The following ADGRV1 variants were observed in gnomAD, a reference collection of about 807,000 sequenced individuals.
ADGRV1 encodes the protein G-protein coupled receptor 98.
ADGRV1 carries 359 observed loss-of-function variants against 596.2 expected under a neutral mutation model. That is an observed-to-expected ratio of 0.60 (90% CI 0.55 to 0.66). ADGRV1 has a LOEUF of 0.66. Among genes scored for constraint, ADGRV1 ranks in the 30% least tolerant of loss-of-function variants. The probability of loss-of-function intolerance (pLI) is 0.00; values close to 1 mark genes in which losing one functional copy is unlikely to be tolerated. For missense variants in ADGRV1, 7,274 were observed against 7,575.6 expected (o/e 0.96, Z 1.48); for synonymous variants, 2,681 against 2,679.2 (o/e 1.00, Z -0.02).
rs1308939155 is a variant in ADGRV1, at chr5:90,810,620, A to G, written c.15360A>G (p.Ala5120=). 1.9e-6 allele frequency: 3 copies of G among 1,613,976 alleles called. No homozygotes were observed. Among genetic ancestry groups the G allele is most frequent in the Admixed American group, 3.3e-5 (2 of 60,024 alleles). ...GCCTGAATCTAGATTTCAGTGTTGC[A>G]GTGATTACAATATTGGATAATGATG... ...SPRLNLDFSV[A]VITILDNDDL... Residue 5120 remains alanine, a synonymous_variant, in exon 74 of 90, where the codon GCA becomes GCG. Transcript: ENST00000405460.
At chr5:90,952,215 C>G (rs943701787) in intron 83 of ADGRV1, among the ~76,000 whole-genome samples, 6 of 152,154 alleles carry the variant, frequency 3.9e-5, no homozygotes, top group Admixed American at 6.6e-5. Flanking sequence ...CTGCTGCTAC[C>G]ACCTCCACCT....
intron 2 of ADGRV1, among the ~76,000 whole-genome samples, chr5:90,615,967 T>G (rs1361171102): frequency 6.6e-6 from 1 of 151,966 alleles, no homozygotes; most frequent in Non-Finnish European, 1.5e-5. Flanking sequence ...GTGAAACTGT[T>G]TACATATATT....
chr5:90,715,482 C>T (rs1749965073), intron 42 of ADGRV1, among the ~76,000 whole-genome samples: 1 of 152,152 alleles, frequency 6.6e-6, no homozygotes, highest in African/African-American at 2.4e-5. Context: ...AGAGAGACCA[C>T]TAGGCAAATA....
At chr5:91,099,579 G>A (rs911625052) in intron 86 of ADGRV1, among the ~76,000 whole-genome samples, 1 of 152,196 alleles carries the variant, frequency 6.6e-6, no homozygotes, top group African/African-American at 2.4e-5. Context: ...GTTACATGCA[G>A]GGGAGTGGAT....
At chr5:90,868,045 G>T (rs934885350) in intron 83 of ADGRV1, among the ~76,000 whole-genome samples, 3 of 152,060 alleles carry the variant, frequency 2.0e-5, no homozygotes, top group Admixed American at 2.0e-4. Flanking sequence ...AAGTAGCAAG[G>T]AAAGTGTTTC....
intron 86 of ADGRV1, among the ~76,000 whole-genome samples, chr5:91,082,636 A>T (rs1789497256): frequency 6.6e-6 from 1 of 152,210 alleles, no homozygotes. Context: ...TGTATTCAGA[A>T]ATAGTATGTA....
At chr5:90,577,290 G>T (rs1280930110) in intron 1 of ADGRV1, among the ~76,000 whole-genome samples, 2 of 152,124 alleles carry the variant, frequency 1.3e-5, no homozygotes, top group Admixed American at 6.6e-5. Flanking sequence ...AATAATTTTT[G>T]TATAAGGTAC....
At chr5:90,738,295 T>C (rs1313615397) in intron 50 of ADGRV1, among the ~76,000 whole-genome samples, 1 of 152,158 alleles carries the variant, frequency 6.6e-6, no homozygotes, top group Non-Finnish European at 1.5e-5. Flanking sequence ...ATAGCTACAG[T>C]TATTTTTAAT....
chr5:90,863,745 T>C lies in ADGRV1; in HGVS notation c.17756-12T>C, dbSNP rs565416139. The C allele has an allele frequency of 1.7e-5, 27 of 1,591,832 alleles. No homozygotes were observed. The South Asian group carries it at 2.9e-4, about 17-fold the overall frequency. ...ATTATTAAACCATATGTGGACTTTTTTGTTCCTACAGGTCTTTGCTTGGCT... is the reference window on the plus strand; with the variant it reads ...ATTATTAAACCATATGTGGACTTTTCTGTTCCTACAGGTCTTTGCTTGGCT... On this transcript the variant is annotated splice_polypyrimidine_tract_variant and intron_variant, in intron 82 of 89. Coordinates refer to ENST00000405460, the MANE Select transcript of ADGRV1 (RefSeq NM_032119.4).
At chr5:91,101,801 ACACG>A (rs965352268) in intron 86 of ADGRV1, among the ~76,000 whole-genome samples, 50 of 152,108 alleles carry the variant, frequency 3.3e-4, no homozygotes, top group African/African-American at 1.2e-3. Flanking sequence ...ACACACACAC[ACACG>A]CACACACGCA....
chr5:90,745,592 T>G lies in ADGRV1; in HGVS notation c.10771T>G (p.Ser3591Ala). ...TTTTGTATATGCTTCTTATGGTAGT[T>G]CAGGTGAACTGATATTTGAACCTGG... Reference protein sequence around the residue: ...ISSHSDFIPSSGELIFEPGER... With the variant: ...ISSHSDFIPSAGELIFEPGER... The change falls in exon 52 of 90, where the codon TCA (serine) becomes GCA (alanine). Residue 3591 changes from serine to alanine, a missense_variant and splice_region_variant. Physicochemically the swap from Ser to Ala is moderately conservative, Grantham distance 99 (BLOSUM62 1). Around this residue, in one of 5 missense-constraint regions of ADGRV1, gnomAD observed 3,643 missense variants for 3,809.2 expected, o/e 0.96. Transcript: ENST00000405460. 1.2e-6 allele frequency: 2 copies of G among 1,603,642 alleles called. No individual in the cohort carries two copies. The highest frequency in any genetic ancestry group is 1.7e-6 in the Non-Finnish European group (2 of 1,172,646).
intron 29 of ADGRV1, among the ~76,000 whole-genome samples, chr5:90,686,757 A>G (rs548589973): frequency 3.5e-4 from 53 of 152,264 alleles, no homozygotes; most frequent in Non-Finnish European, 4.0e-4. Context: ...GTCAGATGGT[A>G]TTTCTAGTTC....
chr5:91,012,901 T>C (rs1782841748), intron 85 of ADGRV1, among the ~76,000 whole-genome samples: 1 of 152,100 alleles, frequency 6.6e-6, no homozygotes, highest in South Asian at 2.1e-4. Context: ...TAGACACCAA[T>C]GTCTGTTGTT....
At chr5:91,078,071 A>G (rs1237384449) in intron 86 of ADGRV1, among the ~76,000 whole-genome samples, 1 of 152,158 alleles carries the variant, frequency 6.6e-6, no homozygotes, top group African/African-American at 2.4e-5. Flanking sequence ...TGTAATGTGA[A>G]CCTGAGGTAT....
rs567468938 is a variant in ADGRV1 at position 90,897,791 on chromosome 5, G to A, written c.17856+33934G>A. Among the ~76,000 whole-genome samples the A allele has an allele frequency of 7.9e-5, 12 of 152,208 alleles. No individual in the cohort carries two copies. In the South Asian group the frequency reaches 1.7e-3, roughly 21 times the overall value. On this transcript the variant is annotated intron_variant, in intron 83 of 89. Transcript: ENST00000405460. ...GGCAAGAAAATGTTTCCCTTCTGCC[G>A]TGCCTTTAGAGTATGTGTGGGTGGG...
chr5:90,757,886 C>A (rs925809286), intron 57 of ADGRV1, among the ~76,000 whole-genome samples: 3 of 152,100 alleles, frequency 2.0e-5, no homozygotes, highest in Non-Finnish European at 1.5e-5. Flanking sequence ...TTTGGCTAGA[C>A]AAATTACCAG....
At chr5:91,109,617 C>T (rs892611589) in intron 87 of ADGRV1, among the ~76,000 whole-genome samples, 1 of 152,160 alleles carries the variant, frequency 6.6e-6, no homozygotes, top group African/African-American at 2.4e-5. Context: ...CAAGACTCAC[C>T]TCCTGCCAGC....
At chr5:90,842,464 C>A (rs1363147775) in intron 78 of ADGRV1, among the ~76,000 whole-genome samples, 1 of 151,976 alleles carries the variant, frequency 6.6e-6, no homozygotes, top group African/African-American at 2.4e-5. Context: ...GTAATCCCAG[C>A]GGAGGCGGGA....
intron 25 of ADGRV1, chr5:90,676,650 A>T (rs1355587232): frequency 1.3e-5 from 2 of 156,414 alleles, no homozygotes; most frequent in African/African-American, 2.4e-5. Flanking sequence ...TCTAGAAGAG[A>T]CGTGCTTTTA....
Sources: gnomAD v4.1 joint callset for allele counts (sites outside exome capture counted in the v4.1 genomes callset) on GRCh38, gnomAD v4.1.1 for gene constraint, gnomAD v4.1.1 regional missense constraint, MANE v1.5 for transcripts, NCBI Gene and HGNC (gene_info 2026-07-23, HGNC 2026-07-21) for gene names.